Variants in SAXO1 observed in about 807,000 individuals in gnomAD.
SAXO1 encodes the protein stabilizer of axonemal microtubules 1.
Under a neutral mutation model 17.5 loss-of-function variants are expected in SAXO1, and 21 were observed. The observed-to-expected ratio is 1.20, with a 90% confidence interval of 0.85 to 1.72. The LOEUF is 1.72. Ranked by LOEUF, SAXO1 falls within the 40% of genes most tolerant of loss-of-function variation. SAXO1 has a pLI of 0.00. For missense variants in SAXO1, 843 were observed against 596.0 expected, an observed-to-expected ratio of 1.41 and a Z score of -4.32; for synonymous variants, 274 against 216.5, an observed-to-expected ratio of 1.27 and a Z score of -2.33.
Position 18,950,823 on chromosome 9 carries a change from C to T in SAXO1, c.153G>A (p.Glu51=), listed in dbSNP as rs974572288. 7 of 1,613,804 alleles carry T rather than the reference C, an allele frequency of 4.3e-6. No homozygotes were observed. Among genetic ancestry groups the T allele is most frequent in the African/African-American group, 1.3e-5 (1 of 75,014 alleles). The change falls in exon 2 of 4, where the codon GAG becomes GAA. Residue 51 remains glutamate (E), a synonymous_variant. Transcript: ENST00000380534. ...GGTACTCCCGCCTTGGCTTGAAGGA[C>T]TCTCTGGGCAGGTAGGAGTGATAGA... The part of the protein sequence containing the change: ...YPFYHSYLPR[E]SFKPRREYQK...
intron 1 of SAXO1, among the ~76,000 whole-genome samples, chr9:18,955,354 C>T (rs376907602): frequency 1.7e-4 from 26 of 152,202 alleles, no homozygotes; most frequent in East Asian, 9.6e-4. Context: ...TCTTACTACA[C>T]TTCAAAATCC....
intron 1 of SAXO1, among the ~76,000 whole-genome samples, chr9:19,012,126 G>A (rs555388577): frequency 6.6e-6 from 1 of 152,062 alleles, no homozygotes; most frequent in East Asian, 1.9e-4. Flanking sequence ...TTACAGGCGT[G>A]AGCCACCACG....
At chr9:19,011,632 C>T (rs7874964) in intron 1 of SAXO1, among the ~76,000 whole-genome samples, 11,770 of 152,188 alleles carry the variant, frequency 0.077, 591 homozygotes, top group African/African-American at 0.13. Context: ...GATACACCGA[C>T]TCAGTATTAG....
At chr9:18,978,987 T>G (rs776227616) in intron 1 of SAXO1, among the ~76,000 whole-genome samples, 52 of 152,188 alleles carry the variant, frequency 3.4e-4, no homozygotes, top group Admixed American at 1.1e-3. Flanking sequence ...AAGGAATATT[T>G]CACAAGCCTC....
intron 1 of SAXO1, among the ~76,000 whole-genome samples, chr9:18,990,088 T>A (rs763159080): frequency 2.0e-4 from 31 of 152,008 alleles, no homozygotes; most frequent in Non-Finnish European, 3.8e-4. Context: ...CAATGCCACA[T>A]AGGTACGCTC....
intron 1 of SAXO1, among the ~76,000 whole-genome samples, chr9:18,963,437 C>T (rs1405232303): frequency 1.3e-5 from 2 of 152,188 alleles, no homozygotes; most frequent in African/African-American, 4.8e-5. Flanking sequence ...TATCCATGAG[C>T]ATGCAATGTT....
chr9:18,988,683 G>C (rs1010640133), intron 1 of SAXO1, among the ~76,000 whole-genome samples: 6 of 152,122 alleles, frequency 3.9e-5, no homozygotes, highest in Non-Finnish European at 5.9e-5. Flanking sequence ...GTAACAACGA[G>C]TATAATGCTA....
At chr9:19,035,079 G>A (rs965429189), upstream of SAXO1, among the ~76,000 whole-genome samples, 1 of 152,112 alleles carries the variant, frequency 6.6e-6, no homozygotes. Context: ...AGACAGTAGG[G>A]ACAACCTCCC....
intron 1 of SAXO1, among the ~76,000 whole-genome samples, chr9:18,997,463 C>T (rs967386037): frequency 2.0e-5 from 3 of 152,250 alleles, no homozygotes; most frequent in African/African-American, 7.2e-5. Flanking sequence ...GGCAGGAAAG[C>T]TCAAACTGGG....
chr9:19,000,177 T>A (rs961538784), intron 1 of SAXO1, among the ~76,000 whole-genome samples: 8 of 139,442 alleles, frequency 5.7e-5, no homozygotes, highest in African/African-American at 2.1e-4. Flanking sequence ...GCCGCCACCC[T>A]GTCTGGGAAG....
At chr9:18,952,996 T>C (rs548399910) in intron 1 of SAXO1, among the ~76,000 whole-genome samples, 9 of 152,368 alleles carry the variant, frequency 5.9e-5, no homozygotes, top group African/African-American at 2.2e-4. Context: ...CCACAGCGGA[T>C]GCATGTTAAA....
intron 1 of SAXO1, among the ~76,000 whole-genome samples, chr9:18,994,916 T>C (rs1312787792): frequency 1.3e-5 from 2 of 152,218 alleles, no homozygotes; most frequent in African/African-American, 4.8e-5. Context: ...TAACAAGACA[T>C]GTTTGAACAT....
intron 2 of SAXO1, among the ~76,000 whole-genome samples, chr9:18,942,101 C>A (rs1364758441): frequency 8.4e-6 from 1 of 119,452 alleles, no homozygotes; most frequent in Non-Finnish European, 1.6e-5. Context: ...CAGTGCCCCT[C>A]CACCTCATTG....
At chr9:18,952,745 T>C (rs1054923982) in intron 1 of SAXO1, among the ~76,000 whole-genome samples, 1 of 152,232 alleles carries the variant, frequency 6.6e-6, no homozygotes, top group African/African-American at 2.4e-5. Context: ...ACAAATATGC[T>C]GTCCTTATAG....
intron 1 of SAXO1, among the ~76,000 whole-genome samples, chr9:19,009,611 T>C (rs1379062573): frequency 1.3e-5 from 2 of 152,124 alleles, no homozygotes; most frequent in Non-Finnish European, 2.9e-5. Flanking sequence ...GTACACAGAA[T>C]GAAATGGAAC....
intron 1 of SAXO1, among the ~76,000 whole-genome samples, chr9:18,973,199 G>A (rs748166693): frequency 1.3e-5 from 2 of 152,210 alleles, no homozygotes; most frequent in Non-Finnish European, 2.9e-5. Flanking sequence ...GTGTTGTACA[G>A]GTAGTTACCA....
chr9:19,015,964 T>C (rs1486098797), intron 1 of SAXO1, among the ~76,000 whole-genome samples: 2 of 152,056 alleles, frequency 1.3e-5, no homozygotes, highest in Non-Finnish European at 1.5e-5. Context: ...GGCCCAGAAA[T>C]TGGCATCCTT....
Position 18,928,111 on chromosome 9 carries a change from G to A in SAXO1, c.1366C>T (p.His456Tyr). 1 of 1,613,948 alleles carries A rather than the reference G, an allele frequency of 6.2e-7. No homozygotes were observed. The highest frequency in any genetic ancestry group is 8.5e-7 in the Non-Finnish European group (1 of 1,179,850). ...TTTTCTGAATCATCTACAGAAAGAT[G>A]GCTGCTCTGCTGAGAGCCTGCCTGG... ...VSQAGSQQSSHLSVDDSENPN... is the reference protein window; with the variant it reads ...VSQAGSQQSSYLSVDDSENPN... Residue 456 changes from histidine to tyrosine, a missense_variant, in exon 4 of 4, where the codon CAT becomes TAT. Transcript: ENST00000380534.
At chr9:19,002,946 T>A (rs1227726698) in intron 1 of SAXO1, among the ~76,000 whole-genome samples, 1 of 152,178 alleles carries the variant, frequency 6.6e-6, no homozygotes, top group Non-Finnish European at 1.5e-5. Flanking sequence ...AAAGACGAAG[T>A]CAAATTGTCT....
Sources: gnomAD v4.1 joint callset for allele counts (sites outside exome capture counted in the v4.1 genomes callset) on GRCh38, gnomAD v4.1.1 for gene constraint, MANE v1.5 for transcripts, NCBI Gene and HGNC (gene_info 2026-07-23, HGNC 2026-07-21) for gene names.